PLCL1: variants seen among roughly 807,000 people sequenced by gnomAD.
PLCL1 encodes the protein phospholipase C like 1 (inactive).
A neutral mutation model predicts 84.4 loss-of-function variants in PLCL1; 41 were observed. That is an observed-to-expected ratio of 0.49 (90% CI 0.38 to 0.63). PLCL1 has a LOEUF of 0.63. PLCL1 is among the 30% of genes least tolerant of loss of function. The probability of loss-of-function intolerance (pLI) is 0.00; values close to 1 mark genes in which losing one functional copy is unlikely to be tolerated. For missense variants in PLCL1, 1,206 were observed against 1,367.8 expected (o/e 0.88, Z 1.87); for synonymous variants, 490 against 488.3 (o/e 1.00, Z -0.05).
At chr2:198,034,656 A>G (rs1239093248) in intron 1 of PLCL1, among the ~76,000 whole-genome samples, 1 of 152,222 alleles carries the variant, frequency 6.6e-6, no homozygotes, top group Non-Finnish European at 1.5e-5. Flanking sequence ...TTATTACCAC[A>G]ATACAATTAT....
intron 1 of PLCL1, among the ~76,000 whole-genome samples, chr2:197,988,104 T>C (rs1690257174): frequency 6.6e-6 from 1 of 152,174 alleles, no homozygotes; most frequent in Non-Finnish European, 1.5e-5. Context: ...ACTAGCACTG[T>C]CAGCCACAAG....
At chr2:197,984,443 A>T (rs1334851192) in intron 1 of PLCL1, among the ~76,000 whole-genome samples, 4 of 152,228 alleles carry the variant, frequency 2.6e-5, no homozygotes, top group Non-Finnish European at 5.9e-5. Flanking sequence ...TTGAAGGTAC[A>T]TTGAAAACAT....
intron 1 of PLCL1, among the ~76,000 whole-genome samples, chr2:198,031,513 C>G (rs1002515159): frequency 1.3e-5 from 2 of 151,902 alleles, no homozygotes; most frequent in African/African-American, 4.8e-5. Context: ...TTGATTGAGA[C>G]AGGGTCTCCT....
intron 5 of PLCL1, among the ~76,000 whole-genome samples, chr2:198,118,381 G>A (rs1693794091): frequency 1.3e-5 from 2 of 151,906 alleles, no homozygotes; most frequent in South Asian, 2.1e-4. Flanking sequence ...GAGAGAGAGG[G>A]AGAGGAGAGA....
chr2:197,908,453 A>T (rs1688425199), intron 1 of PLCL1, among the ~76,000 whole-genome samples: 1 of 152,212 alleles, frequency 6.6e-6, no homozygotes, highest in Admixed American at 6.5e-5. Context: ...ACCTCTGTCC[A>T]GTGATCCTTT....
intron 1 of PLCL1, among the ~76,000 whole-genome samples, chr2:197,807,583 T>G (rs1453756496): frequency 2.0e-5 from 3 of 152,194 alleles, no homozygotes; most frequent in African/African-American, 4.8e-5. Context: ...TTTGTTCCCT[T>G]TAGCATAGTA....
At chr2:198,136,713 A>C (rs1020417270) in intron 5 of PLCL1, among the ~76,000 whole-genome samples, 7 of 152,146 alleles carry the variant, frequency 4.6e-5, no homozygotes, top group African/African-American at 1.4e-4. Context: ...GAGGCCTCAC[A>C]TTAGTAGCAT....
chr2:197,945,270 C>T (rs1020577870), intron 1 of PLCL1, among the ~76,000 whole-genome samples: 1 of 152,026 alleles, frequency 6.6e-6, no homozygotes, highest in South Asian at 2.1e-4. Flanking sequence ...GTGGGTTGGT[C>T]TAGAGAGATA....
intron 1 of PLCL1, among the ~76,000 whole-genome samples, chr2:198,052,892 G>C (rs1481140817): frequency 2.0e-5 from 3 of 152,138 alleles, no homozygotes; most frequent in Non-Finnish European, 2.9e-5. Context: ...AAGAAGACTG[G>C]AGCCTCGAGA....
In PLCL1 at chr2:198,139,160, TA is replaced by T. The variant is rs915245814; in HGVS notation, c.3106-7609del. ...ACAAGAGCAAAACTCCGTCTCAAAA[TA>T]AAAAAAAAAAGATTTGGCAGTTTTG... On this transcript the variant is annotated intron_variant, in intron 5 of 5. Transcript: ENST00000428675. 5.0e-3 allele frequency among the ~76,000 whole-genome samples: 716 copies of T among 143,644 alleles called. 5 individuals carry two copies. Among genetic ancestry groups the T allele is most frequent in the African/African-American group, 0.016 (640 of 39,406 alleles). The allele number at this position is 143,644 out of a possible 152,430, so 94.2% of individuals were successfully genotyped here.
chr2:197,950,567 T>C (rs1574964856), intron 1 of PLCL1, among the ~76,000 whole-genome samples: 1 of 152,262 alleles, frequency 6.6e-6, no homozygotes, highest in East Asian at 1.9e-4. Flanking sequence ...CAATAGAAGA[T>C]TCACTAGTAG....
chr2:197,900,844 G>A (rs2105736175), intron 1 of PLCL1, among the ~76,000 whole-genome samples: 1 of 152,292 alleles, frequency 6.6e-6, no homozygotes, highest in Middle Eastern at 3.4e-3. Flanking sequence ...CTTGGAAGAT[G>A]CAAGAGTAAG....
intron 1 of PLCL1, among the ~76,000 whole-genome samples, chr2:197,825,524 A>G (rs1396286918): frequency 6.6e-6 from 1 of 152,192 alleles, no homozygotes; most frequent in Non-Finnish European, 1.5e-5. Flanking sequence ...CATCTTCTGT[A>G]GCTCCTACTA....
chr2:198,026,486 T>C (rs1464578150), intron 1 of PLCL1, among the ~76,000 whole-genome samples: 4 of 152,176 alleles, frequency 2.6e-5, no homozygotes, highest in African/African-American at 9.7e-5. Context: ...GAGAGGAAAC[T>C]GAGGCTTCAG....
intron 1 of PLCL1, among the ~76,000 whole-genome samples, chr2:197,830,657 A>G (rs1691038311): frequency 6.6e-6 from 1 of 152,344 alleles, no homozygotes; most frequent in East Asian, 1.9e-4. Flanking sequence ...ATTCAAATTC[A>G]TGAAATACAG....
intron 1 of PLCL1, among the ~76,000 whole-genome samples, chr2:197,858,530 C>T (rs906444326): frequency 7.2e-5 from 11 of 152,124 alleles, no homozygotes; most frequent in African/African-American, 2.4e-4. Context: ...TTTGTATGTA[C>T]ATTTTGTATT....
intron 3 of PLCL1, among the ~76,000 whole-genome samples, chr2:198,100,042 G>A (rs770348218): frequency 1.3e-5 from 2 of 152,024 alleles, no homozygotes; most frequent in African/African-American, 2.4e-5. Flanking sequence ...AAGAGAGATG[G>A]GAGTTCAAAA....
At chr2:198,076,775 A>G (rs1351013895) in intron 1 of PLCL1, among the ~76,000 whole-genome samples, 1 of 152,214 alleles carries the variant, frequency 6.6e-6, no homozygotes, top group Non-Finnish European at 1.5e-5. Context: ...TTAACGTGAA[A>G]TTAATGGTAT....
intron 1 of PLCL1, chr2:197,810,166 T>G: frequency 2.6e-6 from 1 of 386,718 alleles, no homozygotes; most frequent in Non-Finnish European, 4.4e-6. Flanking sequence ...TAGATTTGGT[T>G]TATGATCCCC....
Sources: gnomAD v4.1 joint callset for allele counts (sites outside exome capture counted in the v4.1 genomes callset) on GRCh38, gnomAD v4.1.1 for gene constraint, MANE v1.5 for transcripts, NCBI Gene and HGNC (gene_info 2026-07-23, HGNC 2026-07-21) for gene names.